Variants in PPM1F observed in about 807,000 individuals in gnomAD.
The protein encoded by PPM1F is protein phosphatase, Mg2+/Mn2+ dependent 1F, also known as protein phosphatase 1F.
In PPM1F, 17 loss-of-function variants were observed where a neutral mutation model predicts 35.5. That is an observed-to-expected ratio of 0.48 (90% confidence interval 0.33 to 0.72). PPM1F has a LOEUF of 0.72. Among genes scored for constraint, PPM1F ranks in the 30% least tolerant of loss-of-function variants. PPM1F has a pLI of 0.02. For synonymous variants in PPM1F, 241 were observed against 255.5 expected (o/e 0.94, Z 0.54); for missense variants, 521 against 613.0 (o/e 0.85, Z 1.59).
intron 4 of PPM1F, 112 bp from the exon 5 acceptor site, chr22:21,933,691 C>T (rs1569128474): frequency 2.9e-6 from 3 of 1,027,324 alleles, no homozygotes; most frequent in Non-Finnish European, 4.3e-6. Context: ...ATGGCCTTCG[C>T]CCGGCTTATG....
At chr22:21,926,132 CT>C (rs917204354) in intron 6 of PPM1F, 205 of 131,440 alleles carry the variant, frequency 1.6e-3, no homozygotes, top group South Asian at 2.2e-3. Flanking sequence ...CCGCCCAGTT[CT>C]TTTTTTTTTT....
At chr22:21,936,383 T>A (rs1221963044) in intron 3 of PPM1F, 1 of 152,040 alleles carries the variant, frequency 6.6e-6, no homozygotes, top group Non-Finnish European at 1.5e-5. Flanking sequence ...ACGGACAGCT[T>A]TTTCCTGAAG....
intron 2 of PPM1F, chr22:21,945,513 A>C: frequency 3.1e-6 from 1 of 320,168 alleles, no homozygotes. Context: ...ATGAGTCTAC[A>C]AGCCAAGGAC....
chr22:21,938,675 G>T, intron 3 of PPM1F: 1 of 908,358 alleles, frequency 1.1e-6, no homozygotes, highest in Non-Finnish European at 1.3e-6. Context: ...CTGCCTGCTG[G>T]CCTGTCCAGG....
intron 6 of PPM1F, among the ~76,000 whole-genome samples, chr22:21,928,961 C>T (rs1479224707): frequency 6.6e-6 from 1 of 152,156 alleles, no homozygotes; most frequent in Non-Finnish European, 1.5e-5. Context: ...GCAGAGTGGG[C>T]ACTCAGTGTT....
At chr22:21,945,562 A>G (rs2070768256) in intron 2 of PPM1F, 2 of 441,202 alleles carry the variant, frequency 4.5e-6, no homozygotes, top group South Asian at 6.0e-5. Flanking sequence ...AGAAAGGCAG[A>G]CTCTTCCCTG....
intron 1 of PPM1F, chr22:21,947,267 ACCTC>A (rs1388657122): frequency 2.0e-5 from 3 of 151,276 alleles, no homozygotes; most frequent in African/African-American, 7.3e-5. Flanking sequence ...CCGGGGATTC[ACCTC>A]CAGGCCCCAC....
chr22:21,947,897 G>A (rs2070792957), intron 1 of PPM1F: 1 of 152,184 alleles, frequency 6.6e-6, no homozygotes, highest in Admixed American at 6.5e-5. Context: ...CAGAGGGAAA[G>A]GTCCCAGCAC....
chr22:21,933,811 T>C (rs1302518888), intron 4 of PPM1F, among the ~76,000 whole-genome samples: 1 of 152,204 alleles, frequency 6.6e-6, no homozygotes, highest in Non-Finnish European at 1.5e-5. Flanking sequence ...AGGTGGCTCC[T>C]GGTGCAGGAG....
intron 2 of PPM1F, chr22:21,943,521 A>C (rs1347012689): frequency 6.6e-6 from 1 of 152,226 alleles, no homozygotes; most frequent in Non-Finnish European, 1.5e-5. Context: ...CGCACCCATC[A>C]CTAGGTGGCT....
At chr22:21,936,978 G>A (rs2070666970) in intron 3 of PPM1F, 1 of 152,332 alleles carries the variant, frequency 6.6e-6, no homozygotes, top group African/African-American at 2.4e-5. Flanking sequence ...CCTAAGCTTG[G>A]CTTCTCAAGA....
rs1480171606 is a variant in PPM1F at position 21,922,777 on chromosome 22, T to C, written c.*315A>G. 2 of 299,976 alleles carry C rather than the reference T, an allele frequency of 6.7e-6. No homozygotes were observed. The highest frequency in any genetic ancestry group is 4.3e-5 in the African/African-American group (2 of 46,518). The allele number at this position is 299,976 out of a possible 1,614,324, so 18.6% of individuals were successfully genotyped here. ...TGCTGCCCCATGCACACCAGTGTCT[T>C]TGGTTTGGCTGCCGTTGGGCACCTA... On this transcript the variant is annotated 3_prime_UTR_variant, in exon 8 of 8. Coordinates refer to ENST00000263212, the MANE Select transcript of PPM1F (RefSeq NM_014634.4).
chr22:21,948,316 C>G (rs1250089111), intron 1 of PPM1F: 2 of 133,192 alleles, frequency 1.5e-5, no homozygotes, highest in African/African-American at 2.8e-5. Context: ...CCCCCCACCC[C>G]CCATCTCTAC....
At chr22:21,944,046 A>G (rs1288548960) in intron 2 of PPM1F, 1 of 152,384 alleles carries the variant, frequency 6.6e-6, no homozygotes, top group Non-Finnish European at 1.5e-5. Flanking sequence ...TGCTCCCTGC[A>G]GAGTGCCACC....
Position 21,922,993 on chromosome 22 carries a change from G to A in PPM1F, c.*99C>T, listed in dbSNP as rs2070464637. 4 of 1,456,078 alleles carry A rather than the reference G, an allele frequency of 2.7e-6. No individual in the cohort carries two copies. The highest frequency in any genetic ancestry group is 4.5e-5 in the Admixed American group (2 of 44,484). 90.2% of individuals were successfully genotyped at this position (1,456,078 alleles called of 1,614,324 possible). ...TGCTGGGGAAAGCACTGTGGGGCGG[G>A]CACCCTGTCCACTGCCTGCCACCTG... On this transcript the variant is annotated 3_prime_UTR_variant, in exon 8 of 8. Coordinates refer to ENST00000263212, the MANE Select transcript of PPM1F (RefSeq NM_014634.4).
rs538585660 is a variant in PPM1F at position 21,929,726 on chromosome 22, G to A, written c.891+1422C>T. Among the ~76,000 whole-genome samples the A allele has an allele frequency of 2.6e-5, 4 of 152,314 alleles. No homozygotes were observed. In the South Asian group the frequency reaches 8.3e-4, roughly 32 times the overall value. ...AGAGACTATCTGTGACTTTGGCGGT[G>A]TGCTCTGGGCAAGTGACTGAGCCTC... On this transcript the variant is annotated intron_variant, in intron 6 of 7. Transcript: ENST00000263212.
intron 6 of PPM1F, among the ~76,000 whole-genome samples, chr22:21,926,895 G>A (rs1189335232): frequency 6.6e-6 from 1 of 152,194 alleles, no homozygotes; most frequent in Non-Finnish European, 1.5e-5. Context: ...GGAGGCCTGG[G>A]GGAGGCAGCC....
intron 7 of PPM1F, among the ~76,000 whole-genome samples, chr22:21,923,700 T>C (rs1167318898): frequency 6.6e-6 from 1 of 152,104 alleles, no homozygotes; most frequent in East Asian, 1.9e-4. Flanking sequence ...TTTTTCTTTT[T>C]TGAGATGGAG....
At chr22:21,927,937 GTTTTGTTTTTTTTTTTT>G in intron 6 of PPM1F, among the ~76,000 whole-genome samples, 1 of 68,108 alleles carries the variant, frequency 1.5e-5, no homozygotes. Context: ...TCTGTTTTTT[GTTTTGTTTTTTTTTTTT>G]TTTTTTTTTT....
Sources: allele counts gnomAD v4.1 joint callset (sites outside exome capture counted in the v4.1 genomes callset), GRCh38; gene constraint gnomAD v4.1.1; transcripts MANE v1.5; gene names NCBI Gene and HGNC (gene_info 2026-07-23, HGNC 2026-07-21).